Variants in GNA12 observed in about 807,000 individuals in gnomAD.
GNA12 encodes guanine nucleotide-binding protein subunit alpha-12.
Under a neutral mutation model 26.0 loss-of-function variants are expected in GNA12, and 9 were observed. The ratio of observed to expected loss-of-function variants is 0.35; its 90% confidence interval spans 0.21 to 0.60. GNA12 has a LOEUF of 0.60. Ranked by LOEUF, GNA12 falls within the 20% of genes least tolerant of loss-of-function variation. The probability of loss-of-function intolerance (pLI) is 0.78; values close to 1 mark genes in which losing one functional copy is unlikely to be tolerated. For missense variants in GNA12, 405 were observed against 525.8 expected (o/e 0.77, Z 2.25); for synonymous variants, 264 against 219.6 (o/e 1.20, Z -1.79).
chr7:2,737,274 G>GTTT (rs1041056812), intron 2 of GNA12, among the ~76,000 whole-genome samples: 625 of 34,966 alleles, frequency 0.018, 66 homozygotes, highest in East Asian at 0.055. Flanking sequence ...GTTTTGTTTT[G>GTTT]TTTTTTTTTT....
At chr7:2,794,866 T>A in intron 2 of GNA12, 62 bp downstream of exon 2, 1 of 1,175,068 alleles carries the variant, frequency 8.5e-7, no homozygotes, top group Non-Finnish European at 1.3e-6. Flanking sequence ...CAACTAACGG[T>A]CCAAAATAGT....
chr7:2,770,643 A>G (rs1562419544), intron 2 of GNA12, among the ~76,000 whole-genome samples: 3 of 131,922 alleles, frequency 2.3e-5, no homozygotes, highest in African/African-American at 8.5e-5. Context: ...CTCAACAACA[A>G]TAACAACAAC....
intron 1 of GNA12, among the ~76,000 whole-genome samples, chr7:2,795,747 G>A (rs148095445): frequency 5.3e-5 from 8 of 151,814 alleles, no homozygotes; most frequent in African/African-American, 1.9e-4. Context: ...AAGACAACTG[G>A]GCGGGGAGGA....
chr7:2,735,108 C>T (rs1331735266), intron 2 of GNA12, among the ~76,000 whole-genome samples: 1 of 98,000 alleles, frequency 1.0e-5, no homozygotes, highest in African/African-American at 3.4e-5. Context: ...CCGTTGGGTG[C>T]ACTCACTCCC....
intron 2 of GNA12, among the ~76,000 whole-genome samples, chr7:2,751,860 A>G (rs908998479): frequency 1.3e-5 from 2 of 152,164 alleles, no homozygotes; most frequent in African/African-American, 4.8e-5. Context: ...GATTTGTTCT[A>G]AAACAACAAC....
At chr7:2,752,639 A>G (rs533326755) in intron 2 of GNA12, among the ~76,000 whole-genome samples, 39 of 152,362 alleles carry the variant, frequency 2.6e-4, no homozygotes, top group African/African-American at 8.9e-4. Context: ...AATCAAGTAT[A>G]TGTTTTACAT....
intron 1 of GNA12, among the ~76,000 whole-genome samples, chr7:2,810,299 T>C (rs1430723526): frequency 6.6e-6 from 1 of 152,096 alleles, no homozygotes; most frequent in Non-Finnish European, 1.5e-5. Context: ...ACAAGCTCAT[T>C]AAGGTCCCTT....
chr7:2,756,225 T>C (rs568671618), intron 2 of GNA12, among the ~76,000 whole-genome samples: 3 of 152,174 alleles, frequency 2.0e-5, no homozygotes, highest in Non-Finnish European at 4.4e-5. Flanking sequence ...CAAATGGTGC[T>C]GGAAAAACTG....
At chr7:2,763,712 C>CA (rs550601151) in intron 2 of GNA12, among the ~76,000 whole-genome samples, 49 of 152,300 alleles carry the variant, frequency 3.2e-4, no homozygotes, top group African/African-American at 9.9e-4. Flanking sequence ...TCCAGGAAAC[C>CA]AAAGCTTCTT....
intron 1 of GNA12, among the ~76,000 whole-genome samples, chr7:2,830,430 A>G (rs1793578045): frequency 6.6e-6 from 1 of 152,184 alleles, no homozygotes; most frequent in African/African-American, 2.4e-5. Context: ...CCACTGCCAT[A>G]GTGGGACAAA....
intron 1 of GNA12, chr7:2,836,062 C>A: frequency 3.9e-6 from 1 of 256,738 alleles, no homozygotes. Flanking sequence ...GTTTAATAAA[C>A]TTGATTATTG....
intron 2 of GNA12, among the ~76,000 whole-genome samples, chr7:2,745,728 T>C (rs577635664): frequency 1.3e-3 from 191 of 152,216 alleles, no homozygotes; most frequent in African/African-American, 2.9e-3. Context: ...GACTGGCAAA[T>C]TGGATAAAGA....
intron 2 of GNA12, among the ~76,000 whole-genome samples, chr7:2,753,560 G>A (rs1377098768): frequency 3.3e-5 from 5 of 152,238 alleles, no homozygotes; most frequent in Middle Eastern, 6.8e-3. Flanking sequence ...TGGTCTGAAC[G>A]TGCCGCAGTT....
chr7:2,824,902 G>T (rs547392885), intron 1 of GNA12, among the ~76,000 whole-genome samples: 2 of 152,298 alleles, frequency 1.3e-5, no homozygotes, highest in African/African-American at 4.8e-5. Flanking sequence ...GCATGGCCAG[G>T]TGACCACAGG....
intron 1 of GNA12, among the ~76,000 whole-genome samples, chr7:2,809,094 G>A (rs1793016818): frequency 6.6e-6 from 1 of 152,046 alleles, no homozygotes; most frequent in Non-Finnish European, 1.5e-5. Flanking sequence ...CTCCATCCTC[G>A]CTTTACTTCC....
chr7:2,830,047 C>T (rs1183253266), intron 1 of GNA12, among the ~76,000 whole-genome samples: 1 of 152,222 alleles, frequency 6.6e-6, no homozygotes, highest in Non-Finnish European at 1.5e-5. Flanking sequence ...CTCCACACTT[C>T]CTGGCTCCAC....
At chr7:2,750,671 C>T (rs138142818) in intron 2 of GNA12, among the ~76,000 whole-genome samples, 66 of 152,288 alleles carry the variant, frequency 4.3e-4, no homozygotes, top group African/African-American at 1.6e-3. Flanking sequence ...TAACTGAAAC[C>T]ATGGAAGGTG....
chr7:2,770,190 T>C (rs2115419644), intron 2 of GNA12, among the ~76,000 whole-genome samples: 1 of 152,300 alleles, frequency 6.6e-6, no homozygotes, highest in South Asian at 2.1e-4. Flanking sequence ...TGCCATAATA[T>C]ACTATAAACA....
chr7:2,836,741 T>C (rs1778848800), intron 1 of GNA12, among the ~76,000 whole-genome samples: 1 of 151,994 alleles, frequency 6.6e-6, no homozygotes, highest in South Asian at 2.1e-4. Flanking sequence ...CTGGCCAACA[T>C]GGTGAAGTCC....
Sources: allele counts gnomAD v4.1 joint callset (sites outside exome capture counted in the v4.1 genomes callset), GRCh38; gene constraint gnomAD v4.1.1; transcripts MANE v1.5; gene names NCBI Gene and HGNC (gene_info 2026-07-23, HGNC 2026-07-21).